The following RAB11B variants were observed in gnomAD, a reference collection of about 807,000 sequenced individuals.
RAB11B encodes the protein RAB11B, member RAS oncogene family.
Under a neutral mutation model 23.7 loss-of-function variants are expected in RAB11B, and 7 were observed. The ratio of observed to expected loss-of-function variants is 0.29; its 90% CI spans 0.17 to 0.55. The LOEUF is 0.55. RAB11B is among the 20% of genes least tolerant of loss of function. The probability of loss-of-function intolerance (pLI) is 0.93; values close to 1 mark genes in which losing one functional copy is unlikely to be tolerated. For missense variants in RAB11B, 189 were observed against 320.0 expected (o/e 0.59, Z 3.12); for synonymous variants, 138 against 132.0 (o/e 1.05, Z -0.31).
chr19:8,391,857 G>A (rs77822452), intron 1 of RAB11B, among the ~76,000 whole-genome samples: 3 of 151,860 alleles, frequency 2.0e-5, no homozygotes, highest in African/African-American at 7.3e-5. Context: ...AGCCTTCCGG[G>A]GGGAGGGAGA....
At chr19:8,400,860 C>A (rs1427381764) in intron 2 of RAB11B, among the ~76,000 whole-genome samples, 3 of 152,110 alleles carry the variant, frequency 2.0e-5, no homozygotes, top group Admixed American at 2.0e-4. Flanking sequence ...GCTGAGATTA[C>A]AGGTGGCGTG....
rs2145515160 is a variant in RAB11B, at chr19:8,404,246, T to C, written c.*688T>C. The C allele has an allele frequency of 6.6e-6, 1 of 152,412 alleles. No individual in the cohort carries two copies. Among genetic ancestry groups the C allele is most frequent in the African/African-American group, 2.4e-5 (1 of 41,562 alleles). 9.4% of individuals were successfully genotyped at this position (152,412 alleles called of 1,614,324 possible). On this transcript the variant is annotated 3_prime_UTR_variant, in exon 5 of 5. Transcript: ENST00000328024. ...TGAAGCAATATCTCCGTGTTTTGTA[T>C]ATACAACCGCTCTTGTAGCCTTTGG...
intron 1 of RAB11B, among the ~76,000 whole-genome samples, chr19:8,391,844 G>A (rs1045231375): frequency 2.6e-5 from 4 of 151,836 alleles, no homozygotes; most frequent in Non-Finnish European, 4.4e-5. Flanking sequence ...TCCGTGTGGC[G>A]AAAGCCTTCC....
At chr19:8,402,979 A>G in intron 4 of RAB11B, 1 of 353,266 alleles carries the variant, frequency 2.8e-6, no homozygotes, top group Non-Finnish European at 5.2e-6. Flanking sequence ...ATTTTTTTCC[A>G]CCACCACCCC....
At chr19:8,398,799 G>T (rs538579584) in intron 1 of RAB11B, among the ~76,000 whole-genome samples, 52 of 152,098 alleles carry the variant, frequency 3.4e-4, no homozygotes, top group African/African-American at 9.6e-4. Context: ...CTCTTTTCGT[G>T]GGGGGAGACA....
At chr19:8,402,391 G>C in intron 3 of RAB11B, 94 bp from the exon 4 acceptor site, 1 of 1,552,518 alleles carries the variant, frequency 6.4e-7, no homozygotes, top group Non-Finnish European at 8.8e-7. Flanking sequence ...GAGTGGCCTT[G>C]GGATGGGCCA....
intron 1 of RAB11B, among the ~76,000 whole-genome samples, chr19:8,392,685 C>CTTTT (rs74176644): frequency 0.11 from 8,867 of 79,598 alleles, 840 homozygotes; most frequent in Middle Eastern, 0.18. Flanking sequence ...TTTTTCTTTT[C>CTTTT]TTTTTTTTTT....
chr19:8,394,172 CTT>C (rs774802177), intron 1 of RAB11B, among the ~76,000 whole-genome samples: 3 of 152,200 alleles, frequency 2.0e-5, no homozygotes, highest in African/African-American at 2.4e-5. Flanking sequence ...AGCTCAGCCT[CTT>C]TGCCATTCAC....
chr19:8,402,234 C>T lies in RAB11B; in HGVS notation c.385C>T (p.Arg129Cys), dbSNP rs1599688536. The T allele has an allele frequency of 1.3e-6, 2 of 1,569,364 alleles. No homozygotes were observed. Among genetic ancestry groups the T allele is most frequent in the Non-Finnish European group, 1.7e-6 (2 of 1,157,560 alleles). Residue 129 changes from arginine (R) to cysteine (C), a missense_variant, in exon 3 of 5, where the codon CGC (arginine) becomes TGC (cysteine). Physicochemically the swap from Arg to Cys is radical, Grantham distance 180. Transcript: ENST00000328024. ...GCTGGTGGGCAACAAGAGTGACCTG[C>T]GCCACCTGCGGGCTGTGCCCACTGA... ...IMLVGNKSDL[R>C]HLRAVPTDEA... is the part of the protein sequence containing the mutation.
At position 8,398,583 on chromosome 19, in the gene RAB11B, A is replaced by G. The variant is rs368411265; in HGVS notation, c.41-1280A>G. On this transcript the variant is annotated intron_variant, in intron 1 of 4. Transcript: ENST00000328024. ...GCTCTTTCCTCCGGGCTGCGTCCTC[A>G]GGGCACATTCCTGTTTCCCACTCAG... Among the ~76,000 whole-genome samples the G allele has an allele frequency of 6.6e-5, 10 of 152,296 alleles. 3 individuals carry two copies. The highest frequency in any genetic ancestry group is 1.3e-4 in the Admixed American group (2 of 15,284).
In RAB11B at chr19:8,390,385, G is replaced by C. The variant is rs754646694; in HGVS notation, c.-32G>C. ...GTCGGGTGTTTGTGGTGGGGCTGCGGAGTCGCCGATCCCGCCGGAAGCGCC... is the reference window on the plus strand; with the variant it reads ...GTCGGGTGTTTGTGGTGGGGCTGCGCAGTCGCCGATCCCGCCGGAAGCGCC... On this transcript the variant is annotated 5_prime_UTR_variant, in exon 1 of 5. Coordinates refer to ENST00000328024, the MANE Select transcript of RAB11B (RefSeq NM_004218.4). The C allele has an allele frequency of 1.3e-6, 2 of 1,527,056 alleles. No individual in the cohort carries two copies. The highest frequency in any genetic ancestry group is 1.2e-5 in the South Asian group (1 of 81,866). 94.6% of individuals were successfully genotyped at this position (1,527,056 alleles called of 1,614,324 possible). A position where few individuals can be genotyped will look rare whatever the true frequency, so the allele number is the denominator to read the frequency against.
At chr19:8,397,242 C>T (rs190480567) in intron 1 of RAB11B, among the ~76,000 whole-genome samples, 3 of 152,176 alleles carry the variant, frequency 2.0e-5, no homozygotes, top group Middle Eastern at 3.4e-3. Flanking sequence ...ACAATGGGCA[C>T]GCCAGTCTGG....
intron 1 of RAB11B, among the ~76,000 whole-genome samples, chr19:8,395,543 C>T (rs1240636494): frequency 2.6e-5 from 4 of 152,200 alleles, no homozygotes; most frequent in Admixed American, 1.3e-4. Flanking sequence ...AGGCATGAGC[C>T]ACTGTACCCG....
chr19:8,392,378 G>A (rs375178615), intron 1 of RAB11B, among the ~76,000 whole-genome samples: 8 of 152,110 alleles, frequency 5.3e-5, no homozygotes, highest in African/African-American at 1.9e-4. Context: ...TGTGGTTCCC[G>A]GGACTTGTCT....
intron 1 of RAB11B, among the ~76,000 whole-genome samples, chr19:8,393,461 T>G (rs1971373793): frequency 6.6e-6 from 1 of 152,202 alleles, no homozygotes; most frequent in Non-Finnish European, 1.5e-5. Flanking sequence ...AGGTGGCCCC[T>G]GTCCCCAGGG....
chr19:8,396,711 G>C lies in RAB11B; in HGVS notation c.41-3152G>C, dbSNP rs1048004420. ...TGTGTGGCTGGAGCAGAGTGAGCCG[G>C]GGGGGGGGCGGGAGGGAGGAGGGGA... On this transcript the variant is annotated intron_variant, in intron 1 of 4. Coordinates refer to ENST00000328024, the MANE Select transcript of RAB11B (RefSeq NM_004218.4). The surrounding 1 kb of genome is among the most constrained non-coding windows in gnomAD (Gnocchi z 5.0). Among the ~76,000 whole-genome samples the C allele has an allele frequency of 1.5e-5, 2 of 133,066 alleles. No homozygotes were observed. Among genetic ancestry groups the C allele is most frequent in the African/African-American group, 2.6e-5 (1 of 38,302 alleles). 87.3% of individuals were successfully genotyped at this position (133,066 alleles called of 152,430 possible). A position where few individuals can be genotyped will look rare whatever the true frequency, so the allele number is the denominator to read the frequency against.
Position 8,396,815 on chromosome 19 carries a change from G to A in RAB11B, c.41-3048G>A, listed in dbSNP as rs73497484. Among the ~76,000 whole-genome samples the A allele has an allele frequency of 1.9e-3, 283 of 152,226 alleles. 1 individual carries two copies. The highest frequency in any genetic ancestry group is 6.8e-3 in the African/African-American group (281 of 41,526). On this transcript the variant is annotated intron_variant, in intron 1 of 4. Transcript: ENST00000328024. This position sits in a 1 kb window ranked among gnomAD's most constrained non-coding sequence, Gnocchi z 5.0. ...GCCACGGAGGGTTGTCTGCAGAGGA[G>A]GGAGGGAGGTGCCCTGGCTCGGCAC...
Position 8,390,370 on chromosome 19 carries a change from T to G in RAB11B, c.-47T>G. On this transcript the variant is annotated 5_prime_UTR_variant, in exon 1 of 5. Transcript: ENST00000328024. The stretch of plus-strand genomic sequence containing the variant: ...GCCGGCTCCGCCCCCGTCGGGTGTT[T>G]GTGGTGGGGCTGCGGAGTCGCCGAT... 6.7e-7 allele frequency: 1 copy of G among 1,502,964 alleles called. No homozygotes were observed. The allele number at this position is 1,502,964 out of a possible 1,614,324, so 93.1% of individuals were successfully genotyped here.
At chr19:8,399,252 T>C (rs1217117626) in intron 1 of RAB11B, among the ~76,000 whole-genome samples, 1 of 151,816 alleles carries the variant, frequency 6.6e-6, no homozygotes, top group East Asian at 1.9e-4. Context: ...CGCGCCCGGG[T>C]ACTTTTTGTA....
Sources: gnomAD v4.1 joint callset for allele counts (sites outside exome capture counted in the v4.1 genomes callset) on GRCh38, gnomAD v4.1.1 for gene constraint, Gnocchi (gnomAD v3.1) non-coding constraint, MANE v1.5 for transcripts, NCBI Gene and HGNC (gene_info 2026-07-23, HGNC 2026-07-21) for gene names.